Variants in NTNG1 observed in about 807,000 individuals in gnomAD.
NTNG1 encodes the protein netrin G1.
Under a neutral mutation model 54.0 loss-of-function variants are expected in NTNG1, and 16 were observed. The ratio of observed to expected loss-of-function variants is 0.30; its 90% CI spans 0.20 to 0.45. NTNG1 has a LOEUF of 0.45. Ranked by LOEUF, NTNG1 falls within the 20% of genes least tolerant of loss-of-function variation. NTNG1 has a pLI of 1.00. For missense variants in NTNG1, 530 were observed against 678.7 expected (o/e 0.78, Z 2.43); for synonymous variants, 255 against 263.1 (o/e 0.97, Z 0.30).
At chr1:107,327,452 G>T (rs1468735973) in intron 3 of NTNG1, among the ~76,000 whole-genome samples, 1 of 152,054 alleles carries the variant, frequency 6.6e-6, no homozygotes, top group Non-Finnish European at 1.5e-5. Context: ...TAAGATTAAT[G>T]GTCTAGATTG....
At chr1:107,399,953 T>C (rs1672911702) in intron 4 of NTNG1, among the ~76,000 whole-genome samples, 1 of 152,182 alleles carries the variant, frequency 6.6e-6, no homozygotes, top group Non-Finnish European at 1.5e-5. Context: ...ATTAGTCTTT[T>C]AAATCTCCAT....
intron 3 of NTNG1, 42 bp downstream of exon 3, chr1:107,324,964 C>T: frequency 1.3e-6 from 2 of 1,545,510 alleles, no homozygotes; most frequent in Non-Finnish European, 1.7e-6. Flanking sequence ...ACGGGTGTGT[C>T]CAAAGAAAAT....
chr1:107,297,253 A>ATATATG (rs1450852923), intron 2 of NTNG1, among the ~76,000 whole-genome samples: 1 of 144,344 alleles, frequency 6.9e-6, no homozygotes, highest in African/African-American at 2.6e-5. Context: ...ATATGCGCAC[A>ATATATG]CACACACACA....
At chr1:107,273,721 G>A (rs895072264) in intron 2 of NTNG1, among the ~76,000 whole-genome samples, 8 of 152,056 alleles carry the variant, frequency 5.3e-5, no homozygotes, top group African/African-American at 1.7e-4. Flanking sequence ...TTTTATATAC[G>A]TCATCTCACC....
At chr1:107,407,910 G>A in intron 5 of NTNG1, 1 of 733,532 alleles carries the variant, frequency 1.4e-6, no homozygotes, top group Non-Finnish European at 2.5e-6. Flanking sequence ...ATAACTCCAT[G>A]AACATGGCAG....
intron 3 of NTNG1, among the ~76,000 whole-genome samples, chr1:107,382,798 T>C (rs554380712): frequency 6.6e-6 from 1 of 152,262 alleles, no homozygotes; most frequent in African/African-American, 2.4e-5. Flanking sequence ...TTTTTTGTTT[T>C]GTTTTTGGTC....
rs149304283 is a variant in NTNG1, at chr1:107,372,467, G to A, written c.888-22687G>A. Among the ~76,000 whole-genome samples, 149 of 151,948 alleles carry A rather than the reference G, an allele frequency of 9.8e-4. 1 individual carries two copies. The highest frequency in any genetic ancestry group is 3.1e-4 in the Non-Finnish European group (21 of 67,864). On this transcript the variant is annotated intron_variant, in intron 3 of 7. Coordinates refer to ENST00000370068, the MANE Select transcript of NTNG1 (RefSeq NM_001113226.3). ...TATATATTTATTTACCTAATATTTGGGGATGTTTCAGACATTTTTCTGTTA... is the reference window on the plus strand; with the variant it reads ...TATATATTTATTTACCTAATATTTGAGGATGTTTCAGACATTTTTCTGTTA...
At chr1:107,329,901 A>G (rs1407845785) in intron 3 of NTNG1, among the ~76,000 whole-genome samples, 1 of 152,032 alleles carries the variant, frequency 6.6e-6, no homozygotes, top group East Asian at 1.9e-4. Context: ...ATAAACAACA[A>G]CGACAAAAAA....
intron 2 of NTNG1, among the ~76,000 whole-genome samples, chr1:107,305,754 A>G (rs554719208): frequency 1.4e-4 from 22 of 151,762 alleles, no homozygotes; most frequent in Admixed American, 1.1e-3. Context: ...ATTAGATCCC[A>G]TTTGTCTATT....
rs549882051 is a variant in NTNG1 at position 107,484,124 on chromosome 1, A to G, written c.*3284A>G. Among the ~76,000 whole-genome samples the G allele has an allele frequency of 1.1e-3, 170 of 152,176 alleles. 1 individual carries two copies. Among genetic ancestry groups the G allele is most frequent in the Non-Finnish European group, 2.3e-3 (154 of 68,038 alleles). Reference sequence around the variant, plus strand: ...GGCAAGCAACATCCTGAGTGCATATACCTGGGCACAGGGAGTGGCAAAGGG... The same window carrying G: ...GGCAAGCAACATCCTGAGTGCATATGCCTGGGCACAGGGAGTGGCAAAGGG... On this transcript the variant is annotated 3_prime_UTR_variant, in exon 8 of 8. Transcript: ENST00000370068.
intron 7 of NTNG1, among the ~76,000 whole-genome samples, chr1:107,439,221 A>T (rs1675802188): frequency 6.6e-6 from 1 of 151,940 alleles, no homozygotes; most frequent in Non-Finnish European, 1.5e-5. Flanking sequence ...GGAGCTTTCC[A>T]GGATAGGAAT....
chr1:107,465,188 G>A (rs886289934), intron 7 of NTNG1, among the ~76,000 whole-genome samples: 2 of 152,116 alleles, frequency 1.3e-5, no homozygotes, highest in Admixed American at 6.5e-5. Flanking sequence ...CAGAAGCCAC[G>A]TGAAAAATCA....
rs377546989 is a variant in NTNG1 at position 107,212,109 on chromosome 1, A to G, written c.246+63270A>G. ...AGATATTTTTTTCTTGGGGGAAAGC[A>G]TTATATGAGAACTAGAAGGTGTAGG... is the stretch of plus-strand genomic sequence containing the variant. On this transcript the variant is annotated intron_variant, in intron 2 of 7. Coordinates refer to ENST00000370068, the MANE Select transcript of NTNG1 (RefSeq NM_001113226.3). Among the ~76,000 whole-genome samples the G allele has an allele frequency of 1.2e-4, 18 of 152,168 alleles. No individual in the cohort carries two copies. The East Asian group carries it at 1.5e-3, about 13-fold the overall frequency.
At chr1:107,272,920 A>G (rs1664234847) in intron 2 of NTNG1, among the ~76,000 whole-genome samples, 1 of 152,246 alleles carries the variant, frequency 6.6e-6, no homozygotes, top group South Asian at 2.1e-4. Flanking sequence ...AAAATTGTCC[A>G]TAATACAAAC....
At chr1:107,399,797 C>G (rs1672902440) in intron 4 of NTNG1, among the ~76,000 whole-genome samples, 1 of 152,112 alleles carries the variant, frequency 6.6e-6, no homozygotes, top group Admixed American at 6.6e-5. Flanking sequence ...TATTGCTGAT[C>G]AAGTTAAATT....
intron 2 of NTNG1, among the ~76,000 whole-genome samples, chr1:107,228,506 C>T (rs554976510): frequency 6.6e-6 from 1 of 152,224 alleles, no homozygotes; most frequent in African/African-American, 2.4e-5. Flanking sequence ...AAAGTTTATT[C>T]CAGAGTCTTG....
Position 107,141,052 on chromosome 1 carries a change from G to A in NTNG1, c.-614G>A, listed in dbSNP as rs1653623572. The A allele has an allele frequency of 6.6e-6, 1 of 152,568 alleles. No individual in the cohort carries two copies. Among genetic ancestry groups the A allele is most frequent in the Non-Finnish European group, 1.5e-5 (1 of 68,050 alleles). The allele number at this position is 152,568 out of a possible 1,614,324, so 9.5% of individuals were successfully genotyped here. A position where few individuals can be genotyped will look rare whatever the true frequency, so the allele number is the denominator to read the frequency against. On this transcript the variant is annotated 5_prime_UTR_variant, in exon 1 of 8. Transcript: ENST00000370068. ...CACTGATCTTTTGCATTTCGGAAGA[G>A]GACGTCAACGGGAAGGAATTCCCCC... is the stretch of plus-strand genomic sequence containing the variant.
intron 2 of NTNG1, among the ~76,000 whole-genome samples, chr1:107,313,062 C>A (rs905698070): frequency 3.3e-5 from 5 of 152,102 alleles, no homozygotes; most frequent in African/African-American, 1.2e-4. Flanking sequence ...AGACTCCTGA[C>A]CAGTGTCACC....
chr1:107,248,785 A>G (rs1488205540), intron 2 of NTNG1, among the ~76,000 whole-genome samples: 1 of 152,124 alleles, frequency 6.6e-6, no homozygotes, highest in African/African-American at 2.4e-5. Context: ...ACTTGTATGT[A>G]TATCTGGCTT....
Sources: gnomAD v4.1 joint callset for allele counts (sites outside exome capture counted in the v4.1 genomes callset) on GRCh38, gnomAD v4.1.1 for gene constraint, MANE v1.5 for transcripts, NCBI Gene and HGNC (gene_info 2026-07-23, HGNC 2026-07-21) for gene names.